SYTL3: variants seen among roughly 807,000 people sequenced by gnomAD.
SYTL3 encodes the protein synaptotagmin like 3, also known as synaptotagmin-like protein 3.
SYTL3 carries 88 observed loss-of-function variants against 82.1 expected under a neutral mutation model. That is an observed-to-expected ratio of 1.07 (90% confidence interval 0.90 to 1.28). The LOEUF (loss-of-function observed/expected upper bound fraction) is 1.28. Ranked by LOEUF, SYTL3 falls within the 50% of genes most tolerant of loss-of-function variation. The probability of loss-of-function intolerance (pLI) is 0.00; values close to 1 mark genes in which losing one functional copy is unlikely to be tolerated. For missense variants in SYTL3, 831 were observed against 757.6 expected, an observed-to-expected ratio of 1.10 and a Z score of -1.14; for synonymous variants, 311 against 289.4, an observed-to-expected ratio of 1.07 and a Z score of -0.76.
At chr6:158,724,347 TTCATTTGTTCTA>T (rs1784464275) in intron 10 of SYTL3, among the ~76,000 whole-genome samples, 1 of 152,250 alleles carries the variant, frequency 6.6e-6, no homozygotes, top group Non-Finnish European at 1.5e-5. Context: ...AATCCTTTCT[TTCATTTGTTCTA>T]TCATATTCTC....
chr6:158,764,098 G>A (rs1228248470), intron 17 of SYTL3, among the ~76,000 whole-genome samples: 1 of 152,212 alleles, frequency 6.6e-6, no homozygotes, highest in African/African-American at 2.4e-5. Context: ...AAGATATTTT[G>A]TCCAAAGCAT....
chr6:158,762,105 CTTTG>C lies in SYTL3; in HGVS notation c.1449_1452del (p.Cys483TrpfsTer2), dbSNP rs778662851. 1.4e-4 allele frequency: 218 copies of C among 1,613,890 alleles called. No individual in the cohort carries two copies. The highest frequency in any genetic ancestry group is 3.3e-4 in the Middle Eastern group (2 of 6,084). On this transcript the variant is annotated frameshift_variant, in exon 16 of 18. Transcript: ENST00000611299. LOFTEE classifies it high-confidence loss of function. ...AGATCAGCCATCACTTCATGGTCAACTTTGTTTGGTAGTGCTAGGAGCCAAGAAT... is the reference window on the plus strand; with the variant it reads ...AGATCAGCCATCACTTCATGGTCAACTTTGGTAGTGCTAGGAGCCAAGAAT...
At chr6:158,746,459 A>ATTATTATTATTATTATTATTATTATTAT (rs1554263762) in intron 12 of SYTL3, among the ~76,000 whole-genome samples, 1 of 142,062 alleles carries the variant, frequency 7.0e-6, no homozygotes, top group African/African-American at 2.6e-5. Context: ...AATAATAATA[A>ATTATTATTATTATTATTATTATTATTAT]TATTATTATT....
At chr6:158,707,306 T>C (rs370111316) in intron 7 of SYTL3, 25 bp downstream of exon 7, 1 of 1,612,458 alleles carries the variant, frequency 6.2e-7, no homozygotes, top group Non-Finnish European at 8.5e-7. Flanking sequence ...GGACAGACCG[T>C]CCCTGGCCCT....
intron 5 of SYTL3, among the ~76,000 whole-genome samples, chr6:158,674,441 G>A (rs546829252): frequency 1.6e-4 from 25 of 152,246 alleles, no homozygotes; most frequent in African/African-American, 5.1e-4. Context: ...GGTGATGCAC[G>A]GTCACAGAGG....
At chr6:158,759,517 A>C (rs916585591) in intron 14 of SYTL3, among the ~76,000 whole-genome samples, 4 of 152,024 alleles carry the variant, frequency 2.6e-5, no homozygotes, top group African/African-American at 9.7e-5. Context: ...GCAGCCCGGG[A>C]CGGCTCTGTT....
intron 5 of SYTL3, among the ~76,000 whole-genome samples, chr6:158,669,472 T>C (rs1272703659): frequency 6.6e-6 from 1 of 152,242 alleles, no homozygotes; most frequent in Non-Finnish European, 1.5e-5. Flanking sequence ...CCAAATTGGT[T>C]TGTACAGAGA....
Position 158,764,751 on chromosome 6 carries a change from C to T in SYTL3, c.*147C>T. 1 of 593,044 alleles carries T rather than the reference C, an allele frequency of 1.7e-6. No individual in the cohort carries two copies. The highest frequency in any genetic ancestry group is 2.8e-5 in the East Asian group (1 of 36,136). 36.7% of individuals were successfully genotyped at this position (593,044 alleles called of 1,614,324 possible). A position where few individuals can be genotyped will look rare whatever the true frequency, so the allele number is the denominator to read the frequency against. ...GCGGCCCTGTCCCATGGCTTAACCG[C>T]CTATTGGTATCTGTGTATATTTACG... On this transcript the variant is annotated 3_prime_UTR_variant, in exon 18 of 18. Coordinates refer to ENST00000611299, the MANE Select transcript of SYTL3 (RefSeq NM_001242394.2).
chr6:158,660,488 G>C (rs1248263393), intron 2 of SYTL3, among the ~76,000 whole-genome samples: 1 of 152,208 alleles, frequency 6.6e-6, no homozygotes, highest in Non-Finnish European at 1.5e-5. Context: ...ACAGGCGGGG[G>C]TTTGGGAAAG....
intron 5 of SYTL3, among the ~76,000 whole-genome samples, chr6:158,675,402 T>G (rs2128392582): frequency 1.3e-5 from 2 of 152,340 alleles, no homozygotes; most frequent in Middle Eastern, 6.8e-3. Context: ...TTACCTAGGA[T>G]TCAATCACAA....
At chr6:158,756,240 G>A (rs966524180) in intron 13 of SYTL3, among the ~76,000 whole-genome samples, 1 of 152,158 alleles carries the variant, frequency 6.6e-6, no homozygotes, top group Admixed American at 6.5e-5. Context: ...GGGTTCCCTC[G>A]TCACTCTTGG....
At chr6:158,708,413 C>T (rs1333660677) in intron 8 of SYTL3, 22 bp downstream of exon 8, 3 of 1,609,466 alleles carry the variant, frequency 1.9e-6, no homozygotes, top group Non-Finnish European at 2.6e-6. Context: ...ATTCTGGGCA[C>T]TTCTCTAGTA....
At chr6:158,749,532 T>TTA (rs1554264374) in intron 12 of SYTL3, among the ~76,000 whole-genome samples, 2 of 131,982 alleles carry the variant, frequency 1.5e-5, no homozygotes, top group Non-Finnish European at 3.1e-5. Context: ...TTTTTTTTTT[T>TTA]AAGAAATGAG....
chr6:158,727,130 G>A (rs1274543215), intron 11 of SYTL3, among the ~76,000 whole-genome samples: 2 of 151,658 alleles, frequency 1.3e-5, no homozygotes, highest in African/African-American at 2.4e-5. Flanking sequence ...GATTACAGGC[G>A]TGAGCCACCA....
chr6:158,685,767 G>A (rs1359221206), intron 6 of SYTL3, among the ~76,000 whole-genome samples: 6 of 152,116 alleles, frequency 3.9e-5, no homozygotes, highest in East Asian at 1.9e-4. Context: ...GCTGTGAGCC[G>A]AGATCATGCC....
At chr6:158,756,627 G>T (rs193264268) in intron 13 of SYTL3, among the ~76,000 whole-genome samples, 44 of 148,818 alleles carry the variant, frequency 3.0e-4, no homozygotes, top group African/African-American at 8.9e-4. Flanking sequence ...CAGGAGAATC[G>T]CTTGAACCCA....
At chr6:158,757,156 C>T in intron 13 of SYTL3, 55 bp from the exon 14 acceptor site, 2 of 1,546,966 alleles carry the variant, frequency 1.3e-6, no homozygotes, top group Non-Finnish European at 1.7e-6. Context: ...AGATGGGGAT[C>T]CTAGGAGTGC....
intron 15 of SYTL3, among the ~76,000 whole-genome samples, chr6:158,761,450 C>T (rs1281584432): frequency 6.6e-6 from 1 of 151,846 alleles, no homozygotes; most frequent in Non-Finnish European, 1.5e-5. Context: ...CTACAGGCAC[C>T]TGCCACCATG....
In SYTL3 at chr6:158,663,077, T is replaced by C; in HGVS notation, c.-192T>C. On this transcript the variant is annotated 5_prime_UTR_variant, in exon 4 of 18. Transcript: ENST00000611299. The stretch of plus-strand genomic sequence containing the variant: ...AAACGCAGAACTTCTTGAGGCTTTC[T>C]TCTTCTAAGGAGTATGACACAGTTA... The C allele has an allele frequency of 2.0e-6, 1 of 490,976 alleles. No individual in the cohort carries two copies. Among genetic ancestry groups the C allele is most frequent in the Non-Finnish European group, 3.6e-6 (1 of 277,274 alleles). The allele number at this position is 490,976 out of a possible 1,614,324, so 30.4% of individuals were successfully genotyped here.
Sources: allele counts gnomAD v4.1 joint callset (sites outside exome capture counted in the v4.1 genomes callset), GRCh38; gene constraint gnomAD v4.1.1; transcripts MANE v1.5; gene names NCBI Gene and HGNC (gene_info 2026-07-23, HGNC 2026-07-21).